Variants in PAMR1 observed in about 807,000 individuals in gnomAD.
The protein encoded by PAMR1 is inactive serine protease PAMR1.
Under a neutral mutation model 81.8 loss-of-function variants are expected in PAMR1, and 88 were observed. That is an observed-to-expected ratio of 1.08 (90% CI 0.91 to 1.28). The LOEUF (loss-of-function observed/expected upper bound fraction) is 1.28. Among genes scored for constraint, PAMR1 ranks in the 50% most tolerant of loss-of-function variants. The pLI, the probability that PAMR1 is intolerant of heterozygous loss-of-function variation, is 0.00. For missense variants in PAMR1, 935 were observed against 919.7 expected (o/e 1.02, Z -0.21); for synonymous variants, 336 against 345.3 (o/e 0.97, Z 0.30).
chr11:35,473,103 T>C lies in PAMR1; in HGVS notation c.494+1527A>G, dbSNP rs114576717. 3.3e-3 allele frequency among the ~76,000 whole-genome samples: 498 copies of C among 152,220 alleles called. 2 individuals carry two copies. Among genetic ancestry groups the C allele is most frequent in the African/African-American group, 0.012 (480 of 41,510 alleles). On this transcript the variant is annotated intron_variant, in intron 4 of 10. Transcript: ENST00000619888. ...ACAGAGAGCTGTGGATGGACTATTT[T>C]TCAAGCAGGAAAATAGACTTTGTGG... is the stretch of plus-strand genomic sequence containing the variant.
chr11:35,459,641 C>T (rs1271700599), intron 6 of PAMR1, among the ~76,000 whole-genome samples: 8 of 152,196 alleles, frequency 5.3e-5, no homozygotes. Flanking sequence ...CTGCTAGGCA[C>T]ATTTGAGTCC....
chr11:35,432,913 C>A (rs1855946391), intron 10 of PAMR1, 21 bp from the exon 11 acceptor site: 2 of 1,545,920 alleles, frequency 1.3e-6, no homozygotes, highest in African/African-American at 1.4e-5. Context: ...AAGGAATGGG[C>A]AGCAATGGTG....
intron 4 of PAMR1, among the ~76,000 whole-genome samples, chr11:35,473,335 C>A (rs955626096): frequency 6.6e-6 from 1 of 152,184 alleles, no homozygotes; most frequent in Non-Finnish European, 1.5e-5. Context: ...TCTCAATCCT[C>A]CACCGTTTTG....
At chr11:35,476,038 T>C (rs1850278177) in intron 3 of PAMR1, among the ~76,000 whole-genome samples, 1 of 152,314 alleles carries the variant, frequency 6.6e-6, no homozygotes, top group Middle Eastern at 3.4e-3. Context: ...AGTAGTAATA[T>C]TTCTAGTGTT....
chr11:35,471,551 G>C (rs1227092150), intron 4 of PAMR1, among the ~76,000 whole-genome samples: 2 of 152,184 alleles, frequency 1.3e-5, no homozygotes, highest in Non-Finnish European at 2.9e-5. Flanking sequence ...CCGTTTGATG[G>C]AAGAATCAGA....
intron 3 of PAMR1, among the ~76,000 whole-genome samples, chr11:35,480,712 AT>A (rs539448170): frequency 1.3e-5 from 2 of 152,192 alleles, no homozygotes; most frequent in East Asian, 3.9e-4. Flanking sequence ...TTTACTTTAA[AT>A]TCCAGGATGC....
In PAMR1 at chr11:35,434,580, G is replaced by T; in HGVS notation, c.1558C>A (p.Leu520Met). ...GKVTMIKTAD[L>M]KVVLGKFYRD... ...TAGAATTTCCCCAAAACAACTTTCA[G>T]GTCTGCTGTCTTGATCATGGTGACC... The change falls in exon 10 of 11, where the codon CTG becomes ATG. Residue 520 changes from leucine to methionine, a missense_variant. Physicochemically the swap from Leu to Met is conservative, Grantham distance 15. Coordinates refer to ENST00000619888, the MANE Select transcript of PAMR1 (RefSeq NM_001001991.3). 1 of 1,613,968 alleles carries T rather than the reference G, an allele frequency of 6.2e-7. No homozygotes were observed. The highest frequency in any genetic ancestry group is 2.2e-5 in the East Asian group (1 of 44,876).
At chr11:35,522,225 A>G (rs1258916911) in intron 1 of PAMR1, among the ~76,000 whole-genome samples, 1 of 152,130 alleles carries the variant, frequency 6.6e-6, no homozygotes, top group African/African-American at 2.4e-5. Context: ...CCTGCCTCAA[A>G]TCGTTTTTAA....
At chr11:35,503,436 T>G (rs627426) in intron 1 of PAMR1, among the ~76,000 whole-genome samples, 2 of 151,858 alleles carry the variant, frequency 1.3e-5, no homozygotes, top group Non-Finnish European at 2.9e-5. Flanking sequence ...CTTTGAGTAG[T>G]ATTGCTTTGA....
rs113515810 is a variant in PAMR1, at chr11:35,504,678, A to G, written c.74-10406T>C. ...CCAATTTGTTGGATTATAGTTGTTC[A>G]TAATAGTCTCTAATAATTCTCTGTG... On this transcript the variant is annotated intron_variant, in intron 1 of 10. Coordinates refer to ENST00000619888, the MANE Select transcript of PAMR1 (RefSeq NM_001001991.3). Among the ~76,000 whole-genome samples, 1,198 of 152,138 alleles carry G rather than the reference A, an allele frequency of 7.9e-3. 12 individuals carry two copies. The highest frequency in any genetic ancestry group is 0.027 in the African/African-American group (1,137 of 41,542).
chr11:35,435,969 C>T lies in PAMR1; in HGVS notation c.1267G>A (p.Gly423Ser). 1 of 1,614,182 alleles carries T rather than the reference C, an allele frequency of 6.2e-7. No individual in the cohort carries two copies. The highest frequency in any genetic ancestry group is 1.3e-5 in the African/African-American group (1 of 75,050). The change falls in exon 9 of 11, where the codon GGC becomes AGC. Residue 423 changes from glycine to serine, a missense_variant. Transcript: ENST00000619888. The stretch of plus-strand genomic sequence containing the variant: ...CTCAGACATGTCCTCCTGCTGCTGC[C>T]CAGGCGGCGGTAGAAGGGTGAGATG... ...ECISPFYRRLGSSRRTCLRTG... is the reference protein window; with the variant it reads ...ECISPFYRRLSSSRRTCLRTG...
chr11:35,441,426 A>G, intron 7 of PAMR1, 55 bp downstream of exon 7: 1 of 1,342,042 alleles, frequency 7.5e-7, no homozygotes, highest in African/African-American at 1.5e-5. Context: ...GGAGCTACCA[A>G]AAAGTCTAGC....
intron 8 of PAMR1, among the ~76,000 whole-genome samples, chr11:35,436,733 C>T (rs1306291725): frequency 6.6e-6 from 1 of 151,904 alleles, no homozygotes; most frequent in Non-Finnish European, 1.5e-5. Context: ...ATACTTCAAT[C>T]TTCATTTTAT....
In PAMR1 at chr11:35,436,016, T is replaced by G; in HGVS notation, c.1220A>C (p.His407Pro). Residue 407 changes from histidine to proline, a missense_variant, in exon 9 of 11, where the codon CAT (histidine) becomes CCT (proline). Coordinates refer to ENST00000619888, the MANE Select transcript of PAMR1 (RefSeq NM_001001991.3). The stretch of plus-strand genomic sequence containing the variant: ...GATGCACTCATACTGGAGCTGGGTA[T>G]GCAGATGTTGGTATCCCATGGGCAG... ...GDLPMGYQHL[H>P]TQLQYECISP... 6.2e-7 allele frequency: 1 copy of G among 1,614,134 alleles called. No homozygotes were observed. Among genetic ancestry groups the G allele is most frequent in the Non-Finnish European group, 8.5e-7 (1 of 1,179,992 alleles).
At chr11:35,494,045 A>G (rs755154561) in intron 2 of PAMR1, 51 bp downstream of exon 2, 4 of 1,465,490 alleles carry the variant, frequency 2.7e-6, no homozygotes, top group Admixed American at 1.7e-5. Context: ...GTTCCTGTTC[A>G]TTACCTCCAA....
chr11:35,482,043 G>C (rs1188808713), intron 3 of PAMR1, among the ~76,000 whole-genome samples: 2 of 152,134 alleles, frequency 1.3e-5, no homozygotes, highest in Non-Finnish European at 2.9e-5. Flanking sequence ...AGTCTAATTA[G>C]GTCCCATTTG....
chr11:35,516,414 G>T (rs1041074436), intron 1 of PAMR1, among the ~76,000 whole-genome samples: 7 of 152,176 alleles, frequency 4.6e-5, no homozygotes, highest in African/African-American at 1.7e-4. Flanking sequence ...TATATATTCA[G>T]TGGGGGCTGA....
chr11:35,433,103 T>C (rs1408775763), intron 10 of PAMR1, among the ~76,000 whole-genome samples: 1 of 152,178 alleles, frequency 6.6e-6, no homozygotes, highest in Non-Finnish European at 1.5e-5. Flanking sequence ...AAGGTGGGAT[T>C]AAATAAGTGA....
chr11:35,504,115 C>A (rs1293402294), intron 1 of PAMR1, among the ~76,000 whole-genome samples: 1 of 152,078 alleles, frequency 6.6e-6, no homozygotes, highest in African/African-American at 2.4e-5. Context: ...GCTTTTTCAG[C>A]ATCTATTGAA....
Sources: allele counts gnomAD v4.1 joint callset (sites outside exome capture counted in the v4.1 genomes callset), GRCh38; gene constraint gnomAD v4.1.1; transcripts MANE v1.5; gene names NCBI Gene and HGNC (gene_info 2026-07-23, HGNC 2026-07-21).